The following ZNF875 variants were observed in gnomAD, a reference collection of about 807,000 sequenced individuals.
ZNF875 encodes zinc finger protein 875.
A neutral mutation model predicts 11.2 loss-of-function variants in ZNF875; 14 were observed. That is an observed-to-expected ratio of 1.26 (90% CI 0.83 to 1.96). The LOEUF is 1.96. Ranked by LOEUF, ZNF875 falls within the 30% of genes most tolerant of loss-of-function variation. ZNF875 has a pLI of 0.00. For synonymous variants in ZNF875, 301 were observed against 281.1 expected (o/e 1.07, Z -0.71); for missense variants, 752 against 760.4 (o/e 0.99, Z 0.13).
At chr19:37,349,841 GACGGGGTTTC>G (rs1454244592) in intron 4 of ZNF875, among the ~76,000 whole-genome samples, 2 of 151,920 alleles carry the variant, frequency 1.3e-5, no homozygotes, top group African/African-American at 2.4e-5. Context: ...TTTTAGTAGA[GACGGGGTTTC>G]ACCATGTTGG....
chr19:37,313,744 T>TTG (rs61062343), upstream of ZNF875, among the ~76,000 whole-genome samples: 66,859 of 150,050 alleles, frequency 0.45, 15,199 homozygotes, highest in Non-Finnish European at 0.52. Flanking sequence ...TACACATCCA[T>TTG]TGTGTGTGTG....
upstream of ZNF875, among the ~76,000 whole-genome samples, chr19:37,316,435 T>C (rs1028401550): frequency 6.6e-6 from 1 of 152,200 alleles, no homozygotes; most frequent in Non-Finnish European, 1.5e-5. Context: ...AATATCGCGA[T>C]CTCGGCTCAC....
intron 4 of ZNF875, chr19:37,361,831 C>T (rs143204384): frequency 0.011 from 3,839 of 338,042 alleles, 71 homozygotes; most frequent in Admixed American, 0.042. Context: ...GCAGGAGAAT[C>T]GCTTGAACCC....
In ZNF875 at chr19:37,363,075, A is replaced by T. The variant is rs960860867; in HGVS notation, c.1223A>T (p.His408Leu). The change falls in exon 5 of 5, where the codon CAC becomes CTC. Residue 408 changes from histidine (H) to leucine (L), a missense_variant. By Grantham distance (99) the His-to-Leu change is moderately conservative. Transcript: ENST00000392153. Reference sequence around the variant, plus strand: ...GAGCAAGGCTTTAGCCAGAAGTCACACCTCATCAGACACTTAAGGACACAC... The same window carrying T: ...GAGCAAGGCTTTAGCCAGAAGTCACTCCTCATCAGACACTTAAGGACACAC... ...ECEQGFSQKSHLIRHLRTHTG... is the reference protein window; with the variant it reads ...ECEQGFSQKSLLIRHLRTHTG... 6.2e-7 allele frequency: 1 copy of T among 1,613,910 alleles called. No individual in the cohort carries two copies. The highest frequency in any genetic ancestry group is 1.7e-5 in the Admixed American group (1 of 60,010).
intron 1 of ZNF875, among the ~76,000 whole-genome samples, chr19:37,320,251 C>G (rs1470464898): frequency 6.6e-6 from 1 of 152,218 alleles, no homozygotes; most frequent in African/African-American, 2.4e-5. Flanking sequence ...ATGAAATTTT[C>G]ACATACCTCT....
chr19:37,355,875 A>G (rs556940658), intron 4 of ZNF875, among the ~76,000 whole-genome samples: 4 of 152,276 alleles, frequency 2.6e-5, no homozygotes, highest in Non-Finnish European at 2.9e-5. Flanking sequence ...TATTGAACCT[A>G]TCACCCAAAT....
upstream of ZNF875, among the ~76,000 whole-genome samples, chr19:37,330,940 C>T (rs1461786505): frequency 2.6e-5 from 4 of 151,948 alleles, no homozygotes; most frequent in Admixed American, 6.6e-5. Flanking sequence ...GTAATCCCAG[C>T]GTTTGGGAGG....
rs1268633250 is a variant in ZNF875 at position 37,363,319 on chromosome 19, G to T, written c.1467G>T (p.Arg489=). The T allele has an allele frequency of 5.0e-6, 8 of 1,610,594 alleles. No homozygotes were observed. The highest frequency in any genetic ancestry group is 6.8e-6 in the Non-Finnish European group (8 of 1,177,768). ...CGGAGTGTGGGCGAGGCTTTACCCG[G>T]AAATCAACCCTGAGCACGCACCAGA... is the stretch of plus-strand genomic sequence containing the variant. ...VCTECGRGFT[R]KSTLSTHQRT... Residue 489 remains arginine, a synonymous_variant, in exon 5 of 5, where the codon CGG becomes CGT. Coordinates refer to ENST00000392153, the MANE Select transcript of ZNF875 (RefSeq NM_001353803.2).
At chr19:37,347,157 C>A in intron 2 of ZNF875, 33 bp from the exon 3 acceptor site, 1 of 1,613,298 alleles carries the variant, frequency 6.2e-7, no homozygotes, top group Non-Finnish European at 8.5e-7. Context: ...AAGACAGGCT[C>A]CTGGGTGAGC....
At chr19:37,337,915 C>G (rs953504502) in intron 2 of ZNF875, among the ~76,000 whole-genome samples, 6 of 152,172 alleles carry the variant, frequency 3.9e-5, no homozygotes, top group African/African-American at 1.4e-4. Flanking sequence ...ATCAAGAAAT[C>G]TGAGTGGAAT....
At chr19:37,351,780 C>G (rs569918837) in intron 4 of ZNF875, among the ~76,000 whole-genome samples, 2 of 152,082 alleles carry the variant, frequency 1.3e-5, no homozygotes, top group Admixed American at 1.3e-4. Flanking sequence ...AGAATGTATT[C>G]TGTATATTTT....
chr19:37,354,246 C>T (rs1185821097), intron 4 of ZNF875, among the ~76,000 whole-genome samples: 1 of 32,174 alleles, frequency 3.1e-5, no homozygotes, highest in Admixed American at 3.1e-4. Context: ...CTCCCCTCCT[C>T]TCCCCTCCCC....
intron 1 of ZNF875, among the ~76,000 whole-genome samples, chr19:37,321,359 T>C (rs1224769809): frequency 6.6e-6 from 1 of 152,230 alleles, no homozygotes; most frequent in Non-Finnish European, 1.5e-5. Flanking sequence ...TTTTTATGTA[T>C]GTGCACATCA....
At chr19:37,361,777 C>T (rs1226047742) in intron 4 of ZNF875, among the ~76,000 whole-genome samples, 1 of 151,896 alleles carries the variant, frequency 6.6e-6, no homozygotes, top group Non-Finnish European at 1.5e-5. Context: ...ATTAGCTGGG[C>T]GTAGTCTTGG....
Position 37,363,775 on chromosome 19 carries a change from G to T in ZNF875, c.1923G>T (p.Ter641TyrextTer45). Reference protein sequence around the residue: ...LIRHQRTHSG* With the variant: ...LIRHQRTHSGY ...GACATCAGAGGACACACTCAGGATA[G>T]AAACTTTATGTGTATAGGGAATGTG... is the stretch of plus-strand genomic sequence containing the variant. Residue 641 changes from the stop codon to tyrosine, a stop_lost, in exon 5 of 5, where the codon TAG becomes TAT. Coordinates refer to ENST00000392153, the MANE Select transcript of ZNF875 (RefSeq NM_001353803.2). 6.2e-7 allele frequency: 1 copy of T among 1,612,358 alleles called. No homozygotes were observed. The highest frequency in any genetic ancestry group is 1.1e-5 in the South Asian group (1 of 90,990).
intron 2 of ZNF875, among the ~76,000 whole-genome samples, chr19:37,322,413 T>G (rs2031647447): frequency 6.6e-6 from 1 of 152,248 alleles, no homozygotes; most frequent in Non-Finnish European, 1.5e-5. Context: ...TTTCTTCTTT[T>G]TCTTCCGTTG....
chr19:37,325,549 A>C (rs1599880311), intron 4 of ZNF875, among the ~76,000 whole-genome samples: 1 of 144,362 alleles, frequency 6.9e-6, no homozygotes, highest in East Asian at 2.1e-4. Context: ...GAAATCATTT[A>C]CTTTTTTTTT....
intron 4 of ZNF875, among the ~76,000 whole-genome samples, chr19:37,353,440 G>A (rs1490230526): frequency 1.3e-5 from 2 of 152,120 alleles, no homozygotes; most frequent in East Asian, 1.9e-4. Flanking sequence ...ATAGTAATAC[G>A]TATTTTTAAA....
At position 37,347,090 on chromosome 19, in the gene ZNF875, T is replaced by C. The variant is rs575485190; in HGVS notation, c.34-100T>C. On this transcript the variant is annotated intron_variant, in intron 2 of 4. Coordinates refer to ENST00000392153, the MANE Select transcript of ZNF875 (RefSeq NM_001353803.2). ...CCTTGGCCTCCCAAAGTGCTGGGAT[T>C]ACAGGCATGAACCACCGGGCCTGGC... 16 of 1,542,456 alleles carry C rather than the reference T, an allele frequency of 1.0e-5. 1 individual carries two copies. The Admixed American group carries it at 2.7e-4, about 26-fold the overall frequency.
Sources: allele counts gnomAD v4.1 joint callset (sites outside exome capture counted in the v4.1 genomes callset), GRCh38; gene constraint gnomAD v4.1.1; transcripts MANE v1.5; gene names NCBI Gene and HGNC (gene_info 2026-07-23, HGNC 2026-07-21).